Variants in NRG1 observed in about 807,000 individuals in gnomAD.
NRG1 encodes neuregulin 1.
A neutral mutation model predicts 63.8 loss-of-function variants in NRG1; 18 were observed. The ratio of observed to expected loss-of-function variants is 0.28; its 90% CI spans 0.19 to 0.42. The LOEUF (loss-of-function observed/expected upper bound fraction) is 0.42, where lower values mean the gene tolerates loss of function less well. NRG1 is among the 10% of genes least tolerant of loss of function. The probability of loss-of-function intolerance (pLI) is 1.00; values close to 1 mark genes in which losing one functional copy is unlikely to be tolerated. For synonymous variants in NRG1, 302 were observed against 301.3 expected (o/e 1.00, Z -0.02); for missense variants, 762 against 814.7 (o/e 0.94, Z 0.79).
chr8:32,199,283 G>C (rs764876378), intron 1 of NRG1, among the ~76,000 whole-genome samples: 1 of 151,730 alleles, frequency 6.6e-6, no homozygotes, highest in African/African-American at 2.4e-5. Flanking sequence ...TTTCATTCCC[G>C]CTATATACTC....
chr8:32,523,960 G>A (rs1830571409), intron 1 of NRG1, among the ~76,000 whole-genome samples: 1 of 151,686 alleles, frequency 6.6e-6, no homozygotes, highest in African/African-American at 2.4e-5. Flanking sequence ...TTAAATCTCT[G>A]ACCAAAGAAC....
intron 1 of NRG1, among the ~76,000 whole-genome samples, chr8:32,074,800 G>A (rs550827689): frequency 6.6e-6 from 1 of 152,252 alleles, no homozygotes; most frequent in Non-Finnish European, 1.5e-5. Flanking sequence ...TACTGGGTGG[G>A]ATTTATAAAC....
chr8:32,743,729 T>C (rs1428572977), intron 7 of NRG1, among the ~76,000 whole-genome samples: 1 of 148,582 alleles, frequency 6.7e-6, no homozygotes, highest in African/African-American at 2.4e-5. Context: ...GTATTTGTCC[T>C]ATTGTGAACT....
At chr8:32,349,162 G>T (rs757491411) in intron 1 of NRG1, among the ~76,000 whole-genome samples, 1 of 152,176 alleles carries the variant, frequency 6.6e-6, no homozygotes, top group Non-Finnish European at 1.5e-5. Context: ...ACACCTTAGT[G>T]CATGTTCCTA....
At position 32,524,933 on chromosome 8, in the gene NRG1, A is replaced by G. The variant is rs140739546; in HGVS notation, c.38-70895A>G. ...GCCCTTCAAATTTATCAACGAAATC[A>G]CTGGTTTTCAACTTTTATTTTTAAG... On this transcript the variant is annotated intron_variant, in intron 1 of 10. Transcript: ENST00000519301. Among the ~76,000 whole-genome samples, 149 of 152,324 alleles carry G rather than the reference A, an allele frequency of 9.8e-4. 1 individual carries two copies. Among genetic ancestry groups the G allele is most frequent in the African/African-American group, 3.4e-3 (142 of 41,580 alleles).
rs143390509 is a variant in NRG1 at position 32,458,066 on chromosome 8, C to T, written c.38-137762C>T. Among the ~76,000 whole-genome samples the T allele has an allele frequency of 1.3e-3, 200 of 152,178 alleles. 2 individuals carry two copies. The East Asian group carries it at 0.035, about 27-fold the overall frequency. Reference sequence around the variant, plus strand: ...CTAAATAGCTGGGACTACAGGCACGCACCACCACGTCCAGCTAATTTTTGT... The same window carrying T: ...CTAAATAGCTGGGACTACAGGCACGTACCACCACGTCCAGCTAATTTTTGT... On this transcript the variant is annotated intron_variant, in intron 1 of 10. Transcript: ENST00000519301.
At chr8:32,160,266 T>C (rs1035349401) in intron 1 of NRG1, among the ~76,000 whole-genome samples, 2 of 152,234 alleles carry the variant, frequency 1.3e-5, no homozygotes, top group African/African-American at 4.8e-5. Flanking sequence ...GCATATTTGA[T>C]ATTGGTTGAA....
At chr8:32,159,895 G>T (rs2131904112) in intron 1 of NRG1, among the ~76,000 whole-genome samples, 1 of 152,272 alleles carries the variant, frequency 6.6e-6, no homozygotes, top group East Asian at 1.9e-4. Context: ...GGAGAGCAGT[G>T]ATTTTGGCTA....
chr8:32,346,168 T>C lies in NRG1; in HGVS notation c.38-249660T>C, dbSNP rs1804867928. Among the ~76,000 whole-genome samples, 3 of 147,048 alleles carry C rather than the reference T, an allele frequency of 2.0e-5. No homozygotes were observed. In the South Asian group the frequency reaches 6.3e-4, roughly 31 times the overall value. Reference sequence around the variant, plus strand: ...TATAAATTATATATATAATTATATATAGGTGAATATATACAGATGAATAGT... The same window carrying C: ...TATAAATTATATATATAATTATATACAGGTGAATATATACAGATGAATAGT... On this transcript the variant is annotated intron_variant, in intron 1 of 10. Coordinates refer to the NRG1 transcript ENST00000519301.
At chr8:32,548,880 C>A in intron 1 of NRG1, 54 bp downstream of exon 1, 1 of 1,283,424 alleles carries the variant, frequency 7.8e-7, no homozygotes, top group South Asian at 1.6e-5. Context: ...TCCTCCTACT[C>A]CTCCTCCTCC....
intron 5 of NRG1, among the ~76,000 whole-genome samples, chr8:32,665,791 AGTTG>A (rs1200085556): frequency 2.6e-5 from 4 of 152,184 alleles, no homozygotes; most frequent in Non-Finnish European, 2.9e-5. Flanking sequence ...TTTCTTCTTT[AGTTG>A]TGTATTTAGA....
chr8:31,942,888 A>AAC (rs1801971844), intron 1 of NRG1, among the ~76,000 whole-genome samples: 1 of 150,180 alleles, frequency 6.7e-6, no homozygotes, highest in African/African-American at 2.4e-5. Flanking sequence ...AAAAAAAAAA[A>AAC]CCAACAAAAA....
In NRG1 at chr8:32,004,520, G is replaced by A. The variant is rs192331064; in HGVS notation, c.37+365089G>A. Among the ~76,000 whole-genome samples, 717 of 151,844 alleles carry A rather than the reference G, an allele frequency of 4.7e-3. 3 individuals carry two copies. The highest frequency in any genetic ancestry group is 0.014 in the Middle Eastern group (4 of 292). On this transcript the variant is annotated intron_variant, in intron 1 of 10. Coordinates refer to the NRG1 transcript ENST00000519301. ...AGGGTGGGGGCTGGGGGAAGGTGTA[G>A]AAGGAATACATGAGAACTCTGTGCT...
chr8:31,809,404 G>GTATATA (rs35009490), intron 1 of NRG1, among the ~76,000 whole-genome samples: 1 of 140,154 alleles, frequency 7.1e-6, no homozygotes, highest in East Asian at 2.2e-4. Context: ...GTGTGTGTGT[G>GTATATA]TATATATATA....
chr8:31,993,418 T>A (rs1428648046), intron 1 of NRG1, among the ~76,000 whole-genome samples: 3 of 151,930 alleles, frequency 2.0e-5, no homozygotes, highest in Non-Finnish European at 4.4e-5. Flanking sequence ...GTTATAACAA[T>A]CCCCACGTGT....
chr8:32,346,127 ATATAAATTATATACC>A (rs1167074918), intron 1 of NRG1, among the ~76,000 whole-genome samples: 1 of 147,468 alleles, frequency 6.8e-6, no homozygotes, highest in African/African-American at 2.5e-5. Context: ...ATATATATTT[ATATAAATTATATACC>A]TATAAATTAT....
At chr8:32,630,600 A>G (rs1388843186) in intron 5 of NRG1, among the ~76,000 whole-genome samples, 1 of 152,230 alleles carries the variant, frequency 6.6e-6, no homozygotes, top group African/African-American at 2.4e-5. Context: ...ATCAGTTTTG[A>G]GAAGCAGACT....
In NRG1 at chr8:31,655,028, G is replaced by A. The variant is rs576632313; in HGVS notation, c.37+15597G>A. Among the ~76,000 whole-genome samples the A allele has an allele frequency of 2.6e-5, 4 of 152,160 alleles. No individual in the cohort carries two copies. The East Asian group carries it at 5.8e-4, about 22-fold the overall frequency. ...TCCCATTCCTTTCCCCTCAGATTTCGGCATTCCCACCCTATGGGAGAAATT... is the reference window on the plus strand; with the variant it reads ...TCCCATTCCTTTCCCCTCAGATTTCAGCATTCCCACCCTATGGGAGAAATT... On this transcript the variant is annotated intron_variant, in intron 1 of 10. Transcript: ENST00000519301.
intron 1 of NRG1, among the ~76,000 whole-genome samples, chr8:32,251,769 ATTGTGG>A (rs1290580933): frequency 6.6e-6 from 1 of 152,126 alleles, no homozygotes; most frequent in Admixed American, 6.6e-5. Context: ...ATGGTATCTC[ATTGTGG>A]TTTTGAGTTG....
Sources: gnomAD v4.1 joint callset for allele counts (sites outside exome capture counted in the v4.1 genomes callset) on GRCh38, gnomAD v4.1.1 for gene constraint, MANE v1.5 for transcripts, NCBI Gene and HGNC (gene_info 2026-07-23, HGNC 2026-07-21) for gene names.